Variants in SEMA5A observed in about 807,000 individuals in gnomAD.
SEMA5A encodes semaphorin-5A.
A neutral mutation model predicts 135.5 loss-of-function variants in SEMA5A; 55 were observed. The ratio of observed to expected loss-of-function variants is 0.41; its 90% CI spans 0.33 to 0.51. The LOEUF (loss-of-function observed/expected upper bound fraction) is 0.51, where lower values mean the gene tolerates loss of function less well. SEMA5A is among the 20% of genes least tolerant of loss of function. SEMA5A has a pLI of 0.37. For missense variants in SEMA5A, 1,290 were observed against 1,419.9 expected (o/e 0.91, Z 1.47); for synonymous variants, 580 against 546.5 (o/e 1.06, Z -0.85).
intron 5 of SEMA5A, among the ~76,000 whole-genome samples, chr5:9,303,067 A>G (rs533070882): frequency 2.1e-4 from 32 of 152,046 alleles, no homozygotes; most frequent in African/African-American, 7.2e-4. Flanking sequence ...CAAATAGTAA[A>G]TTTAACTTAA....
intron 5 of SEMA5A, among the ~76,000 whole-genome samples, chr5:9,279,880 C>A (rs983516612): frequency 6.6e-6 from 1 of 152,204 alleles, no homozygotes; most frequent in Non-Finnish European, 1.5e-5. Context: ...AATTAAACCT[C>A]TTTTCTTCAT....
At chr5:9,066,309 T>C in intron 17 of SEMA5A, 112 bp downstream of exon 17, 1 of 967,710 alleles carries the variant, frequency 1.0e-6, no homozygotes, top group South Asian at 1.4e-5. Flanking sequence ...TCAAGGCTGC[T>C]AAGCCATAAA....
At chr5:9,286,518 A>G (rs1750804868) in intron 5 of SEMA5A, among the ~76,000 whole-genome samples, 1 of 152,138 alleles carries the variant, frequency 6.6e-6, no homozygotes, top group South Asian at 2.1e-4. Flanking sequence ...TGGGCAACGG[A>G]TATTTGCATG....
chr5:9,485,230 C>T (rs1034516056), intron 1 of SEMA5A, among the ~76,000 whole-genome samples: 2 of 151,050 alleles, frequency 1.3e-5, no homozygotes, highest in Admixed American at 1.3e-4. Flanking sequence ...ATGTACCTGT[C>T]CTTCTCCCAC....
chr5:9,355,268 T>C (rs1754390615), intron 3 of SEMA5A, among the ~76,000 whole-genome samples: 1 of 151,990 alleles, frequency 6.6e-6, no homozygotes, highest in Admixed American at 6.6e-5. Context: ...AGCCAAGGTA[T>C]GTATATGGAA....
intron 2 of SEMA5A, among the ~76,000 whole-genome samples, chr5:9,385,794 CTTT>C (rs5865830): frequency 7.3e-5 from 8 of 109,982 alleles, no homozygotes; most frequent in Non-Finnish European, 1.1e-4. Flanking sequence ...TTGGAAAGCG[CTTT>C]TTTTTTTTTT....
chr5:9,086,518 A>G (rs1579366729), intron 16 of SEMA5A, among the ~76,000 whole-genome samples: 1 of 152,108 alleles, frequency 6.6e-6, no homozygotes, highest in Non-Finnish European at 1.5e-5. Flanking sequence ...TGTGCCTTTC[A>G]CCTTCCACCA....
chr5:9,293,037 G>C (rs566788929), intron 5 of SEMA5A, among the ~76,000 whole-genome samples: 1 of 152,236 alleles, frequency 6.6e-6, no homozygotes, highest in African/African-American at 2.4e-5. Flanking sequence ...CCTTTCTTGT[G>C]GTCATCTCCT....
chr5:9,521,095 T>G (rs1436074886), intron 1 of SEMA5A, among the ~76,000 whole-genome samples: 3 of 152,228 alleles, frequency 2.0e-5, no homozygotes, highest in African/African-American at 7.2e-5. Context: ...ACAACTTTTC[T>G]GGGCATCTAA....
chr5:9,504,224 G>GAAAAAAAAAAAAA (rs756036470), intron 1 of SEMA5A, among the ~76,000 whole-genome samples: 1 of 104,412 alleles, frequency 9.6e-6, no homozygotes, highest in Non-Finnish European at 1.8e-5. Context: ...AAAAAAAAAA[G>GAAAAAAAAAAAAA]AAAAAAAAAA....
intron 3 of SEMA5A, among the ~76,000 whole-genome samples, chr5:9,357,894 A>T (rs1445306223): frequency 6.6e-6 from 1 of 152,234 alleles, no homozygotes; most frequent in Non-Finnish European, 1.5e-5. Flanking sequence ...ATTCTCTCTC[A>T]CTTTAAACTA....
chr5:9,182,572 A>C (rs1014284544), intron 11 of SEMA5A, among the ~76,000 whole-genome samples: 3 of 152,002 alleles, frequency 2.0e-5, no homozygotes, highest in African/African-American at 7.2e-5. Context: ...CCTAAGAACC[A>C]ATGTTTGCTT....
At chr5:9,375,887 C>T (rs1755344190) in intron 3 of SEMA5A, among the ~76,000 whole-genome samples, 1 of 151,940 alleles carries the variant, frequency 6.6e-6, no homozygotes, top group Non-Finnish European at 1.5e-5. Context: ...TGGTGGCTCA[C>T]AGGAACTCAG....
At chr5:9,519,550 C>T (rs1228248288) in intron 1 of SEMA5A, among the ~76,000 whole-genome samples, 1 of 152,138 alleles carries the variant, frequency 6.6e-6, no homozygotes, top group Non-Finnish European at 1.5e-5. Flanking sequence ...TTTCTCTAAC[C>T]ACATAATTAA....
intron 1 of SEMA5A, among the ~76,000 whole-genome samples, chr5:9,475,405 G>A (rs1055095911): frequency 4.6e-5 from 7 of 152,176 alleles, no homozygotes; most frequent in Admixed American, 6.5e-5. Context: ...AGAAAGGACC[G>A]TGTCCTTCTT....
chr5:9,060,908 A>C (rs990844407), intron 18 of SEMA5A, among the ~76,000 whole-genome samples: 5 of 152,126 alleles, frequency 3.3e-5, no homozygotes, highest in Non-Finnish European at 5.9e-5. Context: ...TCTACTAGAA[A>C]TATGTTAATA....
In SEMA5A at chr5:9,123,258, C is replaced by CAAA. The variant is rs57533658; in HGVS notation, c.1600-424_1600-422dup. Among the ~76,000 whole-genome samples the CAAA allele has an allele frequency of 9.2e-3, 359 of 38,942 alleles. 112 individuals are homozygous for CAAA. The highest frequency in any genetic ancestry group is 0.019 in the Non-Finnish European group (297 of 15,800). 25.5% of individuals were successfully genotyped at this position (38,942 alleles called of 152,430 possible). A position where few individuals can be genotyped will look rare whatever the true frequency, so the allele number is the denominator to read the frequency against. On this transcript the variant is annotated intron_variant, in intron 13 of 22. Transcript: ENST00000382496. ...TGAGGGAAGGAGCGAGACTCCGCCTCAAAAAAAAAAAAAAAAAAAAAAAAA... is the reference window on the plus strand; with the variant it reads ...TGAGGGAAGGAGCGAGACTCCGCCTCAAAAAAAAAAAAAAAAAAAAAAAAAAAA...
intron 5 of SEMA5A, among the ~76,000 whole-genome samples, chr5:9,272,597 C>T (rs1468149530): frequency 6.6e-6 from 1 of 152,178 alleles, no homozygotes; most frequent in Non-Finnish European, 1.5e-5. Flanking sequence ...CCGACAGACA[C>T]CTCATACAGG....
chr5:9,506,246 G>A (rs370980852), intron 1 of SEMA5A, among the ~76,000 whole-genome samples: 2 of 152,166 alleles, frequency 1.3e-5, no homozygotes, highest in African/African-American at 4.8e-5. Flanking sequence ...CAAGCCATTG[G>A]TGAGGAGTTG....
Sources: gnomAD v4.1 joint callset for allele counts (sites outside exome capture counted in the v4.1 genomes callset) on GRCh38, gnomAD v4.1.1 for gene constraint, MANE v1.5 for transcripts, NCBI Gene and HGNC (gene_info 2026-07-23, HGNC 2026-07-21) for gene names.